The following NMT2 variants were observed in gnomAD, a reference collection of about 807,000 sequenced individuals.
NMT2 encodes glycylpeptide N-tetradecanoyltransferase 2.
A neutral mutation model predicts 65.4 loss-of-function variants in NMT2; 35 were observed. The observed-to-expected ratio is 0.54, with a 90% CI of 0.41 to 0.71. The LOEUF (loss-of-function observed/expected upper bound fraction) is 0.71. Among genes scored for constraint, NMT2 ranks in the 30% least tolerant of loss-of-function variants. The pLI, the probability that NMT2 is intolerant of heterozygous loss-of-function variation, is 0.00. For synonymous variants in NMT2, 226 were observed against 231.8 expected (o/e 0.98, Z 0.23); for missense variants, 489 against 611.3 (o/e 0.80, Z 2.11).
In NMT2 at chr10:15,120,655, T is replaced by A. The variant is rs970378022; in HGVS notation, c.1000-1142A>T. The stretch of plus-strand genomic sequence containing the variant: ...ATTTTGAAAATACAACTGAGCAACT[T>A]GTTTTATTATGCAATAGCCCATTAA... On this transcript the variant is annotated intron_variant, in intron 8 of 11. Coordinates refer to ENST00000378165, the MANE Select transcript of NMT2 (RefSeq NM_004808.3). 3.3e-5 allele frequency among the ~76,000 whole-genome samples: 5 copies of A among 152,188 alleles called. 1 individual carries two copies. Among genetic ancestry groups the A allele is most frequent in the Admixed American group, 2.6e-4 (4 of 15,270 alleles).
chr10:15,114,776 G>A (rs7920179), intron 9 of NMT2, among the ~76,000 whole-genome samples: 2 of 152,146 alleles, frequency 1.3e-5, no homozygotes, highest in Non-Finnish European at 2.9e-5. Flanking sequence ...GCCAAAGTGG[G>A]TGGATTTTCT....
intron 3 of NMT2, among the ~76,000 whole-genome samples, chr10:15,134,859 G>C (rs1296787145): frequency 1.3e-5 from 2 of 152,034 alleles, no homozygotes; most frequent in Non-Finnish European, 2.9e-5. Context: ...GTGTGCACTT[G>C]TGGTCCCAGA....
In NMT2 at chr10:15,107,040, T is replaced by G. The variant is rs915859730; in HGVS notation, c.*2155A>C. Among the ~76,000 whole-genome samples, 3 of 151,702 alleles carry G rather than the reference T, an allele frequency of 2.0e-5. No individual in the cohort carries two copies. Among genetic ancestry groups the G allele is most frequent in the African/African-American group, 7.3e-5 (3 of 41,250 alleles). ...GGAGGATCATTTTAACCCAGGAGTTTGGGGCTGCAGTGAGCTGTTGACTGT... is the reference window on the plus strand; with the variant it reads ...GGAGGATCATTTTAACCCAGGAGTTGGGGGCTGCAGTGAGCTGTTGACTGT... On this transcript the variant is annotated 3_prime_UTR_variant, in exon 12 of 12. Coordinates refer to ENST00000378165, the MANE Select transcript of NMT2 (RefSeq NM_004808.3).
At chr10:15,128,606 C>A in intron 7 of NMT2, 148 bp from the exon 8 acceptor site, 1 of 604,860 alleles carries the variant, frequency 1.7e-6, no homozygotes, top group Non-Finnish European at 2.9e-6. Flanking sequence ...TCATTTTATC[C>A]GTCCAGTTTT....
In NMT2 at chr10:15,105,875, A is replaced by C. The variant is rs1162674219; in HGVS notation, c.*3320T>G. On this transcript the variant is annotated 3_prime_UTR_variant, in exon 12 of 12. Transcript: ENST00000378165. ...AATTATGGAGGCAAATGTAGTTATT[A>C]TTCTATTTAAAAGTGGTTAATAATT... 4.6e-6 allele frequency: 1 copy of C among 216,818 alleles called. No individual in the cohort carries two copies. Among genetic ancestry groups the C allele is most frequent in the African/African-American group, 2.4e-5 (1 of 41,700 alleles). The allele number at this position is 216,818 out of a possible 1,614,324, so 13.4% of individuals were successfully genotyped here. A position where few individuals can be genotyped will look rare whatever the true frequency, so the allele number is the denominator to read the frequency against.
Position 15,107,429 on chromosome 10 carries a change from T to A in NMT2, c.*1766A>T. The A allele has an allele frequency of 1.0e-6, 1 of 985,440 alleles. No individual in the cohort carries two copies. Among genetic ancestry groups the A allele is most frequent in the Admixed American group, 6.1e-5 (1 of 16,288 alleles). 61.0% of individuals were successfully genotyped at this position (985,440 alleles called of 1,614,324 possible). A position where few individuals can be genotyped will look rare whatever the true frequency, so the allele number is the denominator to read the frequency against. Reference sequence around the variant, plus strand: ...CTTCTGCACTGAACTTCCTAGGCACTGGCCCAGTAAAAGCAGGGAAAAGTA... The same window carrying A: ...CTTCTGCACTGAACTTCCTAGGCACAGGCCCAGTAAAAGCAGGGAAAAGTA... On this transcript the variant is annotated 3_prime_UTR_variant, in exon 12 of 12. Transcript: ENST00000378165.
chr10:15,164,178 G>T (rs1359232225), intron 1 of NMT2, among the ~76,000 whole-genome samples: 1 of 95,312 alleles, frequency 1.0e-5, no homozygotes, highest in African/African-American at 4.8e-5. Flanking sequence ...GCGAGAATTG[G>T]TCTCAAAAAA....
rs17271755 is a variant in NMT2 at position 15,159,994 on chromosome 10, C to A, written c.110+8509G>T. Among the ~76,000 whole-genome samples the A allele has an allele frequency of 3.3e-5, 5 of 152,150 alleles. No individual in the cohort carries two copies. The East Asian group carries it at 9.7e-4, about 29-fold the overall frequency. On this transcript the variant is annotated intron_variant, in intron 1 of 11. Transcript: ENST00000378165. ...TCAGCGCCTTTGGTCATAGTGGCTGCGGAAGGCTTCATGAAAGAAAGGACA... is the reference window on the plus strand; with the variant it reads ...TCAGCGCCTTTGGTCATAGTGGCTGAGGAAGGCTTCATGAAAGAAAGGACA...
At chr10:15,134,345 A>G (rs1434173875) in intron 3 of NMT2, among the ~76,000 whole-genome samples, 1 of 152,130 alleles carries the variant, frequency 6.6e-6, no homozygotes, top group Non-Finnish European at 1.5e-5. Flanking sequence ...TGCTCTGGCC[A>G]TGATGACCGG....
intron 2 of NMT2, among the ~76,000 whole-genome samples, chr10:15,135,912 GAA>G (rs1241912620): frequency 1.4e-5 from 2 of 147,748 alleles, no homozygotes; most frequent in South Asian, 2.3e-4. Flanking sequence ...AGAAAACAAA[GAA>G]AGAGAAAGAG....
At chr10:15,112,765 C>G in intron 10 of NMT2, 31 bp downstream of exon 10, 1 of 1,577,816 alleles carries the variant, frequency 6.3e-7, no homozygotes, top group Non-Finnish European at 8.6e-7. Context: ...TTTGGAGAAC[C>G]AAACGGCGTG....
intron 1 of NMT2, among the ~76,000 whole-genome samples, chr10:15,142,872 C>T (rs1846825309): frequency 6.6e-6 from 1 of 152,184 alleles, no homozygotes; most frequent in African/African-American, 2.4e-5. Flanking sequence ...CAGATACGTT[C>T]AGTTTTGTAT....
chr10:15,140,539 C>G (rs1411800516), intron 2 of NMT2, among the ~76,000 whole-genome samples: 1 of 150,862 alleles, frequency 6.6e-6, no homozygotes, highest in Non-Finnish European at 1.5e-5. Context: ...TTTTTTTCAG[C>G]CAGGGTCTCT....
At chr10:15,135,777 G>T (rs1177146793) in intron 2 of NMT2, among the ~76,000 whole-genome samples, 3 of 152,108 alleles carry the variant, frequency 2.0e-5, no homozygotes, top group African/African-American at 7.2e-5. Flanking sequence ...ACGAGCCTTG[G>T]GTGGGGGGCA....
In NMT2 at chr10:15,130,235, A is replaced by G; in HGVS notation, c.797T>C (p.Ile266Thr). Residue 266 changes from isoleucine to threonine, a missense_variant, in exon 7 of 12, where the codon ATC becomes ACC. Coordinates refer to ENST00000378165, the MANE Select transcript of NMT2 (RefSeq NM_004808.3). ...GTTCACTCTTCTAGTGATCTCTCGG[A>G]TTAGCACTGGGGCTACCCGTTTCGA... ...LRSKRVAPVL[I>T]REITRRVNLE... The G allele has an allele frequency of 6.2e-7, 1 of 1,610,166 alleles. No homozygotes were observed.
At chr10:15,150,610 A>G (rs187258741) in intron 1 of NMT2, among the ~76,000 whole-genome samples, 1 of 152,250 alleles carries the variant, frequency 6.6e-6, no homozygotes, top group East Asian at 1.9e-4. Context: ...GCAAAGCAGT[A>G]AGTCATGGAC....
chr10:15,133,432 C>G, intron 3 of NMT2, 69 bp from the exon 4 acceptor site: 1 of 1,258,392 alleles, frequency 7.9e-7, no homozygotes, highest in Non-Finnish European at 1.2e-6. Context: ...AGTATTCTAA[C>G]CATCCAAAGT....
At chr10:15,165,752 C>T (rs1398119672) in intron 1 of NMT2, among the ~76,000 whole-genome samples, 1 of 151,976 alleles carries the variant, frequency 6.6e-6, no homozygotes, top group African/African-American at 2.4e-5. Flanking sequence ...GTGCCACGCG[C>T]CTGTAATCCC....
At chr10:15,164,182 CAAAAAAAAAA>C (rs34847914) in intron 1 of NMT2, among the ~76,000 whole-genome samples, 7 of 69,868 alleles carry the variant, frequency 1.0e-4, no homozygotes, top group Admixed American at 7.2e-4. Flanking sequence ...GAATTGGTCT[CAAAAAAAAAA>C]AAAAAAAAAA....
Sources: gnomAD v4.1 joint callset for allele counts (sites outside exome capture counted in the v4.1 genomes callset) on GRCh38, gnomAD v4.1.1 for gene constraint, MANE v1.5 for transcripts, NCBI Gene and HGNC (gene_info 2026-07-23, HGNC 2026-07-21) for gene names.